The following WWOX variants were observed in gnomAD, a reference collection of about 807,000 sequenced individuals.
WWOX encodes WW domain-containing oxidoreductase.
Under a neutral mutation model 46.2 loss-of-function variants are expected in WWOX, and 69 were observed. That is an observed-to-expected ratio of 1.49 (90% CI 1.23 to 1.82). The LOEUF (loss-of-function observed/expected upper bound fraction) is 1.82, where lower values mean the gene tolerates loss of function less well. Among genes scored for constraint, WWOX ranks in the 40% most tolerant of loss-of-function variants. The pLI, the probability that WWOX is intolerant of heterozygous loss-of-function variation, is 0.00. For missense variants in WWOX, 919 were observed against 542.6 expected (o/e 1.69, Z -6.89); for synonymous variants, 359 against 202.6 (o/e 1.77, Z -6.56).
chr16:78,425,005 G>A lies in WWOX; in HGVS notation c.741G>A (p.Leu247=), dbSNP rs1388370146. 6 of 1,613,944 alleles carry A rather than the reference G, an allele frequency of 3.7e-6. No individual in the cohort carries two copies. In the African/African-American group the frequency reaches 8.0e-5, roughly 22 times the overall value. ...TTGTCCAGCTCCTCCAGGATGTTTT[G>A]TGCCGCTCAGCTCCTGCCCGTGTCA... The part of the protein sequence containing the change: ...FYLVQLLQDV[L]CRSAPARVIV... The change falls in exon 7 of 9, where the codon TTG becomes TTA. Residue 247 remains leucine, a synonymous_variant. Transcript: ENST00000566780.
At chr16:79,177,727 T>G (rs991534687) in intron 8 of WWOX, among the ~76,000 whole-genome samples, 1 of 152,166 alleles carries the variant, frequency 6.6e-6, no homozygotes, top group African/African-American at 2.4e-5. Context: ...TACTTATTCT[T>G]TTACAAAAAG....
intron 5 of WWOX, among the ~76,000 whole-genome samples, chr16:78,321,258 G>A (rs56000130): frequency 0.32 from 44,819 of 138,012 alleles, 8,392 homozygotes; most frequent in East Asian, 0.62. Context: ...AAGGCAACAC[G>A]TAGGTTCTTA....
At chr16:78,989,834 G>GTC in intron 8 of WWOX, among the ~76,000 whole-genome samples, 1 of 151,048 alleles carries the variant, frequency 6.6e-6, no homozygotes, top group Admixed American at 6.6e-5. Context: ...GTGTGTGTGT[G>GTC]TGTGTGTGTG....
At chr16:79,165,408 C>G (rs895185222) in intron 8 of WWOX, among the ~76,000 whole-genome samples, 1 of 152,152 alleles carries the variant, frequency 6.6e-6, no homozygotes, top group African/African-American at 2.4e-5. Context: ...ATGATTAATG[C>G]AGCTAAATTT....
At chr16:78,867,491 T>TG (rs1197250901) in intron 8 of WWOX, among the ~76,000 whole-genome samples, 3 of 141,720 alleles carry the variant, frequency 2.1e-5, no homozygotes, top group South Asian at 4.2e-4. Flanking sequence ...ATTTTGTGTG[T>TG]GTGTGTGTGT....
At chr16:79,064,896 G>A (rs1471547025) in intron 8 of WWOX, among the ~76,000 whole-genome samples, 1 of 152,230 alleles carries the variant, frequency 6.6e-6, no homozygotes, top group East Asian at 1.9e-4. Context: ...AGGATACTCA[G>A]TTTATAACGG....
At chr16:78,355,410 G>A (rs111592109) in intron 5 of WWOX, 4 of 274,336 alleles carry the variant, frequency 1.5e-5, no homozygotes, top group Admixed American at 9.9e-5. Context: ...AGACCATCCT[G>A]GCTAACACGG....
At chr16:78,786,374 C>T (rs936303739) in intron 8 of WWOX, among the ~76,000 whole-genome samples, 2 of 152,188 alleles carry the variant, frequency 1.3e-5, no homozygotes, top group Middle Eastern at 6.8e-3. Context: ...TTGGGGAACA[C>T]GTTATTATAT....
intron 5 of WWOX, among the ~76,000 whole-genome samples, chr16:78,236,453 C>A (rs1004428815): frequency 3.3e-5 from 5 of 152,164 alleles, no homozygotes; most frequent in African/African-American, 9.7e-5. Context: ...CTTCAAGGGT[C>A]ATTTCATGGT....
chr16:78,893,875 C>G (rs555077714), intron 8 of WWOX, among the ~76,000 whole-genome samples: 2 of 152,196 alleles, frequency 1.3e-5, no homozygotes, highest in South Asian at 2.1e-4. Flanking sequence ...AGCTAGAACA[C>G]AAGATTTTCT....
At chr16:78,602,143 C>G (rs2045636660) in intron 8 of WWOX, among the ~76,000 whole-genome samples, 1 of 152,198 alleles carries the variant, frequency 6.6e-6, no homozygotes. Flanking sequence ...TAGAATCTCT[C>G]TTTAGTCAGA....
At chr16:78,264,404 TC>T (rs377229369) in intron 5 of WWOX, 53 of 152,280 alleles carry the variant, frequency 3.5e-4, no homozygotes, top group African/African-American at 1.3e-3. Flanking sequence ...GCTTAAATTA[TC>T]CCCTCTTTTT....
chr16:78,326,381 C>G (rs932407559), intron 5 of WWOX, among the ~76,000 whole-genome samples: 2 of 152,076 alleles, frequency 1.3e-5, no homozygotes, highest in Admixed American at 6.6e-5. Context: ...TCTGCCACCC[C>G]TATCATACTT....
intron 8 of WWOX, among the ~76,000 whole-genome samples, chr16:79,076,678 C>T (rs548710825): frequency 6.6e-5 from 10 of 152,182 alleles, no homozygotes; most frequent in Admixed American, 4.6e-4. Context: ...GAGAGTCAGA[C>T]GGATCGAACT....
chr16:78,555,214 T>G (rs1383360462), intron 8 of WWOX, among the ~76,000 whole-genome samples: 1 of 150,746 alleles, frequency 6.6e-6, no homozygotes, highest in African/African-American at 2.4e-5. Context: ...GAATCCTCAT[T>G]GGAGGCATGT....
At chr16:78,585,687 G>GTTTTTTTTTT (rs371070766) in intron 8 of WWOX, among the ~76,000 whole-genome samples, 1 of 140,940 alleles carries the variant, frequency 7.1e-6, no homozygotes. Context: ...TTTTTTTTTT[G>GTTTTTTTTTT]TTTTTTTTTG....
chr16:79,146,678 T>C (rs940448547), intron 8 of WWOX, among the ~76,000 whole-genome samples: 2 of 152,208 alleles, frequency 1.3e-5, no homozygotes, highest in Non-Finnish European at 2.9e-5. Context: ...CAGCAAGTGC[T>C]TACTAAGCAT....
At chr16:78,808,888 G>T (rs1338025036) in intron 8 of WWOX, among the ~76,000 whole-genome samples, 3 of 152,114 alleles carry the variant, frequency 2.0e-5, no homozygotes, top group Non-Finnish European at 2.9e-5. Flanking sequence ...GTGTGGCTTG[G>T]TGGAGCCATC....
At chr16:78,147,933 G>A (rs1011606769) in intron 4 of WWOX, among the ~76,000 whole-genome samples, 1 of 151,814 alleles carries the variant, frequency 6.6e-6, no homozygotes, top group African/African-American at 2.4e-5. Flanking sequence ...GTCAAGGAAC[G>A]GGGTCTCTTT....
Sources: allele counts gnomAD v4.1 joint callset (sites outside exome capture counted in the v4.1 genomes callset), GRCh38; gene constraint gnomAD v4.1.1; transcripts MANE v1.5; gene names NCBI Gene and HGNC (gene_info 2026-07-23, HGNC 2026-07-21).